The following CPEB3 variants were observed in gnomAD, a reference collection of about 807,000 sequenced individuals.
CPEB3 encodes cytoplasmic polyadenylation element binding protein 3, also known as cytoplasmic polyadenylation element-binding protein 3.
CPEB3 carries 20 observed loss-of-function variants against 67.2 expected under a neutral mutation model. The ratio of observed to expected loss-of-function variants is 0.30; its 90% CI spans 0.21 to 0.43. The LOEUF is 0.43. Ranked by LOEUF, CPEB3 falls within the 20% of genes least tolerant of loss-of-function variation. The pLI, the probability that CPEB3 is intolerant of heterozygous loss-of-function variation, is 1.00. For missense variants in CPEB3, 746 were observed against 968.6 expected (o/e 0.77, Z 3.05); for synonymous variants, 376 against 393.1 (o/e 0.96, Z 0.51).
rs531429698 is a variant in CPEB3 at position 92,264,069 on chromosome 10, C to T, written c.-11-23708G>A. 8.5e-5 allele frequency among the ~76,000 whole-genome samples: 13 copies of T among 152,198 alleles called. No homozygotes were observed. In the South Asian group the frequency reaches 2.7e-3, roughly 32 times the overall value. On this transcript the variant is annotated intron_variant, in intron 1 of 9. Coordinates refer to ENST00000265997, the MANE Select transcript of CPEB3 (RefSeq NM_014912.5). ...AATGGCTGGTTGCAGTGACTCACGC[C>T]TATAATCCCAGCACTTTGGGATGCC...
chr10:92,263,775 T>A (rs184584889), intron 1 of CPEB3, among the ~76,000 whole-genome samples: 55 of 152,268 alleles, frequency 3.6e-4, no homozygotes, highest in Non-Finnish European at 7.5e-4. Flanking sequence ...ATCCTCCCTG[T>A]TGGTCTCCCA....
chr10:92,047,155 C>T lies in CPEB3; in HGVS notation c.*5057G>A. The T allele has an allele frequency of 6.6e-6, 1 of 152,084 alleles. No homozygotes were observed. The highest frequency in any genetic ancestry group is 2.4e-5 in the African/African-American group (1 of 41,406). 9.4% of individuals were successfully genotyped at this position (152,084 alleles called of 1,614,324 possible). A position where few individuals can be genotyped will look rare whatever the true frequency, so the allele number is the denominator to read the frequency against. ...TAAACATCCCCTAATCATGTAGCCA[C>T]TTCTTGACCCATTTTGGGGTATAAA... On this transcript the variant is annotated 3_prime_UTR_variant, in exon 10 of 10. Transcript: ENST00000265997.
chr10:92,150,101 T>C (rs1846888132), intron 4 of CPEB3, among the ~76,000 whole-genome samples: 1 of 152,184 alleles, frequency 6.6e-6, no homozygotes, highest in South Asian at 2.1e-4. Context: ...GACAGAATGG[T>C]AGAGTAAGAG....
At chr10:92,257,224 T>G (rs998573903) in intron 1 of CPEB3, among the ~76,000 whole-genome samples, 9 of 152,264 alleles carry the variant, frequency 5.9e-5, no homozygotes, top group African/African-American at 2.2e-4. Flanking sequence ...ACTGTTTCCT[T>G]GAGCCTTATT....
At chr10:92,262,793 A>C (rs1227706642) in intron 1 of CPEB3, among the ~76,000 whole-genome samples, 1 of 152,212 alleles carries the variant, frequency 6.6e-6, no homozygotes, top group Non-Finnish European at 1.5e-5. Context: ...CTGCCTAAAT[A>C]ATTAGAATCA....
chr10:92,174,386 A>G (rs370039159), intron 4 of CPEB3, among the ~76,000 whole-genome samples: 1 of 152,356 alleles, frequency 6.6e-6, no homozygotes, highest in East Asian at 1.9e-4. Context: ...ATATAAGCAA[A>G]ACCTTCTAAA....
chr10:92,263,813 C>G (rs542929592), intron 1 of CPEB3, among the ~76,000 whole-genome samples: 1 of 152,252 alleles, frequency 6.6e-6, no homozygotes, highest in East Asian at 1.9e-4. Flanking sequence ...GCATGAGCCA[C>G]TGCACCTAGC....
chr10:92,243,243 T>C (rs564546151), intron 1 of CPEB3: 1 of 152,288 alleles, frequency 6.6e-6, no homozygotes, highest in South Asian at 2.1e-4. Context: ...TCAGGTTGAT[T>C]ATGTGACCGC....
chr10:92,218,131 G>A (rs1158598653), intron 2 of CPEB3, among the ~76,000 whole-genome samples: 4 of 151,748 alleles, frequency 2.6e-5, no homozygotes, highest in African/African-American at 7.3e-5. Context: ...CAACAAGGCC[G>A]GGCACAGTGG....
At chr10:92,118,472 T>C (rs1405071027) in intron 6 of CPEB3, among the ~76,000 whole-genome samples, 1 of 152,180 alleles carries the variant, frequency 6.6e-6, no homozygotes, top group African/African-American at 2.4e-5. Context: ...CCCTGTGCTT[T>C]AGTCCTATAA....
chr10:92,143,677 CA>C (rs1332533059), intron 5 of CPEB3, among the ~76,000 whole-genome samples: 1 of 152,070 alleles, frequency 6.6e-6, no homozygotes, highest in Non-Finnish European at 1.5e-5. Flanking sequence ...AATTATAGAT[CA>C]ATACATTTAT....
chr10:92,173,135 AAC>A (rs1848080349), intron 4 of CPEB3, among the ~76,000 whole-genome samples: 1 of 152,228 alleles, frequency 6.6e-6, no homozygotes, highest in Non-Finnish European at 1.5e-5. Flanking sequence ...GCCCTCTTGA[AAC>A]ATACACATTA....
At chr10:92,247,865 A>G (rs1326068973) in intron 1 of CPEB3, among the ~76,000 whole-genome samples, 1 of 151,858 alleles carries the variant, frequency 6.6e-6, no homozygotes, top group Non-Finnish European at 1.5e-5. Flanking sequence ...CTTCACCTTA[A>G]ACCACTGCCC....
chr10:92,289,295 T>C (rs1842685667), intron 1 of CPEB3, among the ~76,000 whole-genome samples: 1 of 151,750 alleles, frequency 6.6e-6, no homozygotes, highest in African/African-American at 2.4e-5. Flanking sequence ...CCCAGCACTT[T>C]GGGAGGCCGA....
At chr10:92,269,994 T>C (rs563031828) in intron 1 of CPEB3, among the ~76,000 whole-genome samples, 2 of 147,072 alleles carry the variant, frequency 1.4e-5, no homozygotes, top group Admixed American at 6.8e-5. Context: ...CTTCTCAAAC[T>C]TAAAATTCTC....
chr10:92,059,086 G>C (rs1842229747), intron 9 of CPEB3, among the ~76,000 whole-genome samples: 1 of 152,124 alleles, frequency 6.6e-6, no homozygotes, highest in East Asian at 1.9e-4. Flanking sequence ...CAGCACTTTG[G>C]GAGGCCAAGG....
chr10:92,278,902 T>C (rs1043230993), intron 1 of CPEB3, among the ~76,000 whole-genome samples: 6 of 152,086 alleles, frequency 3.9e-5, no homozygotes, highest in African/African-American at 1.4e-4. Flanking sequence ...CCCAGCCTCA[T>C]GTATTGGTTC....
chr10:92,163,091 A>C (rs187068210), intron 4 of CPEB3, among the ~76,000 whole-genome samples: 105 of 152,310 alleles, frequency 6.9e-4, no homozygotes, highest in African/African-American at 2.4e-3. Flanking sequence ...AATGTGTAAC[A>C]TGTATCCACC....
chr10:92,281,444 C>A (rs1402435692), intron 1 of CPEB3, among the ~76,000 whole-genome samples: 1 of 152,008 alleles, frequency 6.6e-6, no homozygotes, highest in East Asian at 1.9e-4. Context: ...AAATATAAGT[C>A]CCTTTTCAGA....
Sources: gnomAD v4.1 joint callset for allele counts (sites outside exome capture counted in the v4.1 genomes callset) on GRCh38, gnomAD v4.1.1 for gene constraint, MANE v1.5 for transcripts, NCBI Gene and HGNC (gene_info 2026-07-23, HGNC 2026-07-21) for gene names.